DOCK4: variants seen among roughly 807,000 people sequenced by gnomAD.
DOCK4 encodes the protein dedicator of cytokinesis 4.
A neutral mutation model predicts 268.1 loss-of-function variants in DOCK4; 97 were observed. That is an observed-to-expected ratio of 0.36 (90% CI 0.31 to 0.43). The LOEUF is 0.43. Ranked by LOEUF, DOCK4 falls within the 20% of genes least tolerant of loss-of-function variation. The probability of loss-of-function intolerance (pLI) is 1.00; values close to 1 mark genes in which losing one functional copy is unlikely to be tolerated. For missense variants in DOCK4, 2,145 were observed against 2,455.7 expected (o/e 0.87, Z 2.67); for synonymous variants, 954 against 887.2 (o/e 1.08, Z -1.34).
intron 8 of DOCK4, among the ~76,000 whole-genome samples, chr7:111,955,444 T>C (rs1214599921): frequency 6.6e-6 from 1 of 152,224 alleles, no homozygotes; most frequent in Non-Finnish European, 1.5e-5. Flanking sequence ...GATGGCTTTG[T>C]TGGCACATAA....
chr7:112,202,177 T>C (rs779864420), intron 1 of DOCK4, among the ~76,000 whole-genome samples: 48 of 152,354 alleles, frequency 3.2e-4, no homozygotes, highest in Admixed American at 1.3e-3. Context: ...TTCAGCATAC[T>C]GATTTCAATT....
At chr7:112,157,097 A>G (rs1466770001) in intron 1 of DOCK4, among the ~76,000 whole-genome samples, 1 of 151,950 alleles carries the variant, frequency 6.6e-6, no homozygotes, top group African/African-American at 2.4e-5. Context: ...AGTATGTATG[A>G]CTTTTATATT....
chr7:111,829,962 T>C (rs1802691020), intron 26 of DOCK4, among the ~76,000 whole-genome samples: 1 of 152,200 alleles, frequency 6.6e-6, no homozygotes, highest in Non-Finnish European at 1.5e-5. Context: ...ATTATCATTA[T>C]GAAATCATAA....
intron 1 of DOCK4, among the ~76,000 whole-genome samples, chr7:112,064,395 T>C (rs1806730393): frequency 1.3e-5 from 2 of 152,184 alleles, no homozygotes; most frequent in South Asian, 4.1e-4. Flanking sequence ...CAGGACTCTC[T>C]GGAAAGGAAA....
intron 42 of DOCK4, among the ~76,000 whole-genome samples, chr7:111,751,757 A>AT (rs530562921): frequency 0.023 from 3,423 of 149,040 alleles, 126 homozygotes; most frequent in African/African-American, 0.076. Flanking sequence ...AAAATATATA[A>AT]TTTTTTTTTT....
In DOCK4 at chr7:111,747,456, T is replaced by C; in HGVS notation, c.4417-13A>G. ...GACTCATTTCTACCTGAGAAGCAAATGAACATAAATATATATTGAATTTGT... is the reference window on the plus strand; with the variant it reads ...GACTCATTTCTACCTGAGAAGCAAACGAACATAAATATATATTGAATTTGT... On this transcript the variant is annotated splice_polypyrimidine_tract_variant and intron_variant, in intron 42 of 52. Coordinates refer to ENST00000428084, the MANE Select transcript of DOCK4 (RefSeq NM_001363540.2). 1 of 1,570,818 alleles carries C rather than the reference T, an allele frequency of 6.4e-7. No homozygotes were observed. The highest frequency in any genetic ancestry group is 1.2e-5 in the South Asian group (1 of 86,212).
In DOCK4 at chr7:111,994,548, T is replaced by C. The variant is rs138923811; in HGVS notation, c.219-317A>G. ...TTTAACCTAAGGCCAAAAGCCTTCA[T>C]CTGTAACATGAGGTCACTGGGCTAC... On this transcript the variant is annotated intron_variant, in intron 4 of 52. Coordinates refer to ENST00000428084, the MANE Select transcript of DOCK4 (RefSeq NM_001363540.2). Among the ~76,000 whole-genome samples, 535 of 152,310 alleles carry C rather than the reference T, an allele frequency of 3.5e-3. 1 individual carries two copies. Among genetic ancestry groups the C allele is most frequent in the Non-Finnish European group, 5.6e-3 (380 of 68,022 alleles).
At chr7:111,864,250 A>G (rs979694264) in intron 22 of DOCK4, among the ~76,000 whole-genome samples, 5 of 152,116 alleles carry the variant, frequency 3.3e-5, no homozygotes, top group African/African-American at 1.2e-4. Flanking sequence ...ATGTAAAAAA[A>G]AAAAAAACCC....
chr7:111,728,532 CGGCACT>C lies in DOCK4; in HGVS notation c.5664_5669del (p.Val1893_Pro1894del). On this transcript the variant is annotated inframe_deletion, in exon 53 of 53. Transcript: ENST00000428084. ...CCCCGCCGTAGCTCGGCACGGGCAC[CGGCACT>C]GGCACCGGCAGGGGGGCCGACTGTT... 6.2e-7 allele frequency: 1 copy of C among 1,613,604 alleles called. No individual in the cohort carries two copies. The highest frequency in any genetic ancestry group is 8.5e-7 in the Non-Finnish European group (1 of 1,179,804).
intron 50 of DOCK4, 28 bp downstream of exon 50, chr7:111,736,889 C>G (rs1474255643): frequency 4.4e-6 from 7 of 1,578,186 alleles, no homozygotes; most frequent in Admixed American, 1.8e-5. Context: ...CTTACACATT[C>G]CAGGACTGAC....
At chr7:111,885,641 G>A (rs1807780708) in intron 16 of DOCK4, among the ~76,000 whole-genome samples, 1 of 152,184 alleles carries the variant, frequency 6.6e-6, no homozygotes. Context: ...GGAACAAAAC[G>A]ATGTCACTGT....
intron 1 of DOCK4, among the ~76,000 whole-genome samples, chr7:112,157,222 C>T (rs541264003): frequency 6.6e-6 from 1 of 152,218 alleles, no homozygotes; most frequent in African/African-American, 2.4e-5. Context: ...ACAGCTCAAA[C>T]CACAAAACCT....
At chr7:112,031,741 C>G (rs1043166752) in intron 1 of DOCK4, among the ~76,000 whole-genome samples, 4 of 152,144 alleles carry the variant, frequency 2.6e-5, no homozygotes, top group African/African-American at 7.2e-5. Flanking sequence ...GCTTGCTTTA[C>G]TCCAGAACAT....
chr7:111,741,001 G>C (rs1163481632), intron 47 of DOCK4, 93 bp downstream of exon 47: 2 of 1,462,094 alleles, frequency 1.4e-6, no homozygotes, highest in Admixed American at 4.0e-5. Context: ...CTTGCTTGTT[G>C]GTCTGTTCAT....
intron 44 of DOCK4, 144 bp downstream of exon 44, chr7:111,746,190 G>T: frequency 1.7e-6 from 1 of 593,802 alleles, no homozygotes; most frequent in Non-Finnish European, 2.9e-6. Flanking sequence ...AAATTAGCAA[G>T]CTGGGATATA....
chr7:111,949,539 A>T (rs1269327031), intron 8 of DOCK4, among the ~76,000 whole-genome samples: 1 of 152,202 alleles, frequency 6.6e-6, no homozygotes, highest in Non-Finnish European at 1.5e-5. Context: ...CCTTAGCTTA[A>T]GCATGCCTTA....
chr7:111,908,901 T>C (rs1283428922), intron 13 of DOCK4, among the ~76,000 whole-genome samples: 3 of 152,242 alleles, frequency 2.0e-5, no homozygotes, highest in African/African-American at 2.4e-5. Flanking sequence ...ATGGTGTATA[T>C]GTGCCACATT....
rs1797983266 is a variant in DOCK4, at chr7:111,769,534, C to T, written c.3823G>A (p.Gly1275Ser). The T allele has an allele frequency of 1.2e-6, 2 of 1,613,520 alleles. No homozygotes were observed. The highest frequency in any genetic ancestry group is 8.5e-7 in the Non-Finnish European group (1 of 1,179,740). The change falls in exon 37 of 53, where the codon GGC becomes AGC. Residue 1275 changes from glycine (G) to serine (S), a missense_variant. Gly to Ser is a moderately conservative substitution (Grantham distance 56). Transcript: ENST00000428084. The stretch of plus-strand genomic sequence containing the variant: ...GGCGGGGCAGGGCCACTTACTTTGC[C>T]TCTGTCAAAGTTCTGGATGATGGTG... ...HLTIIQNFDR[G>S]KCWENGIILC...
At chr7:112,059,605 A>G (rs554348682) in intron 1 of DOCK4, among the ~76,000 whole-genome samples, 4 of 152,314 alleles carry the variant, frequency 2.6e-5, no homozygotes, top group African/African-American at 9.6e-5. Context: ...TGACATGATA[A>G]AATCAGAGAA....
Sources: allele counts gnomAD v4.1 joint callset (sites outside exome capture counted in the v4.1 genomes callset), GRCh38; gene constraint gnomAD v4.1.1; transcripts MANE v1.5; gene names NCBI Gene and HGNC (gene_info 2026-07-23, HGNC 2026-07-21).